The following PDE8A variants were observed in gnomAD, a reference collection of about 807,000 sequenced individuals.
PDE8A encodes the protein high affinity cAMP-specific and IBMX-insensitive 3',5'-cyclic phosphodiesterase 8A.
Under a neutral mutation model 105.0 loss-of-function variants are expected in PDE8A, and 59 were observed. The observed-to-expected ratio is 0.56, with a 90% CI of 0.46 to 0.70. The LOEUF is 0.70. Ranked by LOEUF, PDE8A falls within the 30% of genes least tolerant of loss-of-function variation. PDE8A has a pLI of 0.00. For missense variants in PDE8A, 1,014 were observed against 1,045.9 expected (o/e 0.97, Z 0.42); for synonymous variants, 355 against 371.9 (o/e 0.95, Z 0.52).
Position 85,115,964 on chromosome 15 carries a change from C to T in PDE8A, c.1400-20C>T. 6.2e-7 allele frequency: 1 copy of T among 1,600,780 alleles called. No homozygotes were observed. The highest frequency in any genetic ancestry group is 8.5e-7 in the Non-Finnish European group (1 of 1,171,672). ...AATCCTTTAAAGCCTATTTGTTCTC[C>T]AAATTACATCACTTTACAGACACTC... On this transcript the variant is annotated intron_variant, in intron 15 of 21. Coordinates refer to ENST00000394553, the MANE Select transcript of PDE8A (RefSeq NM_002605.3).
At position 85,091,195 on chromosome 15, in the gene PDE8A, C is replaced by A; in HGVS notation, c.852+14C>A. 1 of 1,582,674 alleles carries A rather than the reference C, an allele frequency of 6.3e-7. No homozygotes were observed. The highest frequency in any genetic ancestry group is 1.1e-5 in the South Asian group (1 of 87,040). On this transcript the variant is annotated intron_variant, in intron 8 of 21. Transcript: ENST00000394553. ...AGGATAGGCAAGGTAAGTAAGAGGTCAGTGCCTTTTTTAACTTTCACAACA... is the reference window on the plus strand; with the variant it reads ...AGGATAGGCAAGGTAAGTAAGAGGTAAGTGCCTTTTTTAACTTTCACAACA...
At chr15:85,005,032 T>C (rs1868921) in intron 1 of PDE8A, among the ~76,000 whole-genome samples, 129,112 of 152,030 alleles carry the variant, frequency 0.85, 55,054 homozygotes, top group Non-Finnish European at 0.87. Context: ...GTTTGTCTTT[T>C]CATCTAGGAA....
chr15:85,110,173 A>G (rs766935075), intron 12 of PDE8A, among the ~76,000 whole-genome samples: 1 of 152,204 alleles, frequency 6.6e-6, no homozygotes, highest in Non-Finnish European at 1.5e-5. Context: ...TGTCGTGATT[A>G]CAGTCCCAGA....
chr15:85,029,964 C>G (rs1355434639), intron 1 of PDE8A, among the ~76,000 whole-genome samples: 2 of 152,132 alleles, frequency 1.3e-5, no homozygotes, highest in Non-Finnish European at 2.9e-5. Context: ...GTCCCACTGA[C>G]CAGGGGTTCT....
At chr15:84,988,710 T>A (rs1003859857) in intron 1 of PDE8A, among the ~76,000 whole-genome samples, 3 of 152,202 alleles carry the variant, frequency 2.0e-5, no homozygotes, top group Non-Finnish European at 4.4e-5. Flanking sequence ...GCTGAAAGCT[T>A]CCTTGAGCCC....
Position 85,112,342 on chromosome 15 carries a change from A to G in PDE8A, c.1115-1035A>G, listed in dbSNP as rs144028565. 1.4e-4 allele frequency among the ~76,000 whole-genome samples: 22 copies of G among 152,308 alleles called. No homozygotes were observed. The East Asian group carries it at 4.0e-3, about 28-fold the overall frequency. ...TCTACCTTTAGCAATTTTCAAGAAT[A>G]CCTTGTTATTAATTGTAGTTACCAT... is the stretch of plus-strand genomic sequence containing the variant. On this transcript the variant is annotated intron_variant, in intron 12 of 21. Transcript: ENST00000394553.
chr15:85,091,018 A>C (rs373924924), intron 7 of PDE8A, 26 bp from the exon 8 acceptor site: 1 of 1,589,100 alleles, frequency 6.3e-7, no homozygotes. Flanking sequence ...AATTCACTTT[A>C]TGTTTTTTCT....
At chr15:84,981,807 C>G (rs1277482670), upstream of PDE8A, among the ~76,000 whole-genome samples, 5 of 151,176 alleles carry the variant, frequency 3.3e-5, no homozygotes. Flanking sequence ...GACTCAGCCG[C>G]TCCTGGGTAA....
intron 1 of PDE8A, among the ~76,000 whole-genome samples, chr15:84,991,292 A>G (rs113916453): frequency 6.6e-6 from 1 of 152,228 alleles, no homozygotes; most frequent in Non-Finnish European, 1.5e-5. Flanking sequence ...AAAAGTCAAT[A>G]AGAAAACAAC....
chr15:85,083,359 C>T lies in PDE8A; in HGVS notation c.547-197C>T, dbSNP rs370295169. ...GGCTACTAAATGATAGAAGGAAAAGCATTCTTAAACCCTATTTTTTAAAAA... is the reference window on the plus strand; with the variant it reads ...GGCTACTAAATGATAGAAGGAAAAGTATTCTTAAACCCTATTTTTTAAAAA... On this transcript the variant is annotated intron_variant, in intron 5 of 21. Transcript: ENST00000394553. Among the ~76,000 whole-genome samples the T allele has an allele frequency of 1.8e-4, 28 of 151,904 alleles. No individual in the cohort carries two copies. In the East Asian group the frequency reaches 5.0e-3, roughly 27 times the overall value.
At chr15:85,076,066 G>C (rs878922818) in intron 4 of PDE8A, 148 bp downstream of exon 4, 1 of 528,638 alleles carries the variant, frequency 1.9e-6, no homozygotes, top group South Asian at 3.8e-5. Context: ...TTATTTTGCT[G>C]CTTCAGTTAA....
chr15:85,082,950 C>T (rs1013491150), intron 5 of PDE8A, among the ~76,000 whole-genome samples: 3 of 152,208 alleles, frequency 2.0e-5, no homozygotes, highest in Non-Finnish European at 4.4e-5. Context: ...TTAATGTCCA[C>T]GGCTATAAGA....
At chr15:84,999,368 C>T (rs1455165116) in intron 1 of PDE8A, among the ~76,000 whole-genome samples, 4 of 152,188 alleles carry the variant, frequency 2.6e-5, no homozygotes, top group Non-Finnish European at 5.9e-5. Flanking sequence ...GGTGATCTGC[C>T]TGCCTCGGCC....
intron 1 of PDE8A, among the ~76,000 whole-genome samples, chr15:85,008,263 C>G (rs2080180463): frequency 1.3e-5 from 2 of 152,006 alleles, no homozygotes; most frequent in African/African-American, 4.8e-5. Flanking sequence ...AGGGAGGGAT[C>G]AGAAGCCAGG....
chr15:84,988,007 G>A (rs974219370), intron 1 of PDE8A, among the ~76,000 whole-genome samples: 2 of 152,188 alleles, frequency 1.3e-5, no homozygotes, highest in African/African-American at 4.8e-5. Context: ...GCAGTTCTTA[G>A]AGTGCAAACT....
chr15:85,078,209 T>G (rs949635931), intron 5 of PDE8A, among the ~76,000 whole-genome samples: 5 of 147,758 alleles, frequency 3.4e-5, no homozygotes, highest in African/African-American at 1.0e-4. Context: ...TTCAAAAGAC[T>G]GACACACACA....
rs1269788465 is a variant in PDE8A, at chr15:85,113,980, G to T, written c.1293G>T (p.Gln431His). Residue 431 changes from glutamine to histidine, a missense_variant, in exon 14 of 22, where the codon CAG becomes CAT. Transcript: ENST00000394553. ...GAACCACTGAGTTATATTCACCACA[G>T]TTTGGTGCTAAAGATGATGATCCCC... Reference protein sequence around the residue: ...ILRTTELYSPQFGAKDDDPHA... With the variant: ...ILRTTELYSPHFGAKDDDPHA... 2 of 1,613,862 alleles carry T rather than the reference G, an allele frequency of 1.2e-6. No individual in the cohort carries two copies. Among genetic ancestry groups the T allele is most frequent in the Non-Finnish European group, 1.7e-6 (2 of 1,179,788 alleles).
At chr15:85,063,093 C>G (rs932709045) in intron 1 of PDE8A, 2 of 152,204 alleles carry the variant, frequency 1.3e-5, no homozygotes, top group African/African-American at 4.8e-5. Context: ...ATTAGGGACC[C>G]TCATTCTTTT....
chr15:85,117,885 G>T, intron 17 of PDE8A, 46 bp downstream of exon 17: 1 of 1,429,584 alleles, frequency 7.0e-7, no homozygotes, highest in East Asian at 2.3e-5. Flanking sequence ...GGAGCAGTGG[G>T]GAGAGTCTAG....
Sources: allele counts gnomAD v4.1 joint callset (sites outside exome capture counted in the v4.1 genomes callset), GRCh38; gene constraint gnomAD v4.1.1; transcripts MANE v1.5; gene names NCBI Gene and HGNC (gene_info 2026-07-23, HGNC 2026-07-21).